BET1: variants seen among roughly 807,000 people sequenced by gnomAD.
BET1 encodes BET1 homolog.
In BET1, 9 loss-of-function variants were observed where a neutral mutation model predicts 13.9. That is an observed-to-expected ratio of 0.65 (90% CI 0.39 to 1.13). The LOEUF (loss-of-function observed/expected upper bound fraction) is 1.13. BET1 is among the 50% of genes most tolerant of loss of function. The pLI is 0.01. For missense variants in BET1, 127 were observed against 133.6 expected, an observed-to-expected ratio of 0.95 and a Z score of 0.24; for synonymous variants, 39 against 47.3, an observed-to-expected ratio of 0.82 and a Z score of 0.72.
At chr7:93,982,421 G>T (rs955545918) in intron 4 of BET1, among the ~76,000 whole-genome samples, 1 of 152,090 alleles carries the variant, frequency 6.6e-6, no homozygotes, top group Non-Finnish European at 1.5e-5. Flanking sequence ...TGGTGATTCT[G>T]GTTCAGCTGC....
rs73715581 is a variant in BET1, at chr7:93,995,940, G to C, written c.201+325C>G. 6.0e-3 allele frequency: 2,246 copies of C among 372,212 alleles called. 43 individuals carry two copies. Among genetic ancestry groups the C allele is most frequent in the African/African-American group, 0.041 (1,975 of 47,920 alleles). The allele number at this position is 372,212 out of a possible 1,614,324, so 23.1% of individuals were successfully genotyped here. On this transcript the variant is annotated intron_variant, in intron 3 of 3. Transcript: ENST00000222547. ...ATATCAAGTGCCTTTTGATTGCTTG[G>C]TTAATAAATTACTAGTAGTCTCTAC...
intron 4 of BET1, among the ~76,000 whole-genome samples, chr7:93,978,074 T>A (rs1795369175): frequency 7.9e-6 from 1 of 126,938 alleles, no homozygotes; most frequent in African/African-American, 3.3e-5. Flanking sequence ...GCAACTTTGT[T>A]TCTTTTTTTT....
At chr7:93,992,847 T>G (rs1446518891), downstream of BET1, 4 of 962,850 alleles carry the variant, frequency 4.2e-6, no homozygotes, top group African/African-American at 7.1e-5. Flanking sequence ...AATAGAGATA[T>G]GAACCCAGGT....
chr7:93,984,184 C>T lies in BET1; in HGVS notation c.236-8084G>A, dbSNP rs181790074. Among the ~76,000 whole-genome samples the T allele has an allele frequency of 1.8e-3, 279 of 152,246 alleles. 1 individual carries two copies. The highest frequency in any genetic ancestry group is 6.2e-3 in the African/African-American group (256 of 41,552). On this transcript the variant is annotated intron_variant and NMD_transcript_variant, in intron 4 of 6. Coordinates refer to the BET1 transcript ENST00000357520. ...TGCTTGTAGGCATATTGCTCAATCT[C>T]TGCCTCTGTCTCCACAGGGCATTTT...
intron 4 of BET1, among the ~76,000 whole-genome samples, chr7:93,984,165 T>C (rs1795481214): frequency 1.3e-5 from 2 of 152,140 alleles, no homozygotes; most frequent in South Asian, 4.1e-4. Flanking sequence ...GCTTTGCTTG[T>C]AGGCATATTG....
chr7:93,985,110 C>T (rs867356551), intron 4 of BET1, among the ~76,000 whole-genome samples: 1 of 152,160 alleles, frequency 6.6e-6, no homozygotes, highest in African/African-American at 2.4e-5. Context: ...TGCCCTCCCC[C>T]ACACTGTCTC....
intron 6 of BET1, among the ~76,000 whole-genome samples, chr7:93,971,525 A>T (rs1795258532): frequency 6.6e-6 from 1 of 151,772 alleles, no homozygotes; most frequent in Non-Finnish European, 1.5e-5. Context: ...TAATCACAAT[A>T]TGCTTCTGCT....
At chr7:93,992,783 G>T, downstream of BET1, 1 of 904,320 alleles carries the variant, frequency 1.1e-6, no homozygotes, top group Non-Finnish European at 1.3e-6. Flanking sequence ...ACTATCCTAT[G>T]AAATAGATGG....
In BET1 at chr7:93,994,179, G is replaced by C; in HGVS notation, c.*51C>G. The C allele has an allele frequency of 1.9e-6, 3 of 1,553,610 alleles. No individual in the cohort carries two copies. The highest frequency in any genetic ancestry group is 2.6e-6 in the Non-Finnish European group (3 of 1,151,284). On this transcript the variant is annotated 3_prime_UTR_variant, in exon 4 of 4. Coordinates refer to ENST00000222547, the MANE Select transcript of BET1 (RefSeq NM_005868.6). ...TTTGATGCTGATTTTTATCAAAGTG[G>C]TACTGCAAGCCATTAAGTTGGAACA...
intron 2 of BET1, 66 bp from the exon 3 acceptor site, chr7:93,996,387 T>G (rs1795772151): frequency 1.0e-5 from 12 of 1,189,502 alleles, no homozygotes; most frequent in Non-Finnish European, 3.5e-6. Context: ...AAAGTAAAAA[T>G]AATGTCATTC....
At chr7:93,966,769 A>G (rs551504916) in intron 6 of BET1, among the ~76,000 whole-genome samples, 1 of 151,942 alleles carries the variant, frequency 6.6e-6, no homozygotes, top group East Asian at 1.9e-4. Flanking sequence ...TTAGCAATAC[A>G]GGGGGAAGAA....
rs1201762271 is a variant in BET1 at position 93,993,345 on chromosome 7, C to T, written c.*885G>A. ...ATTTAACAATATTTAATATTTTTTA[C>T]TCAACAGTCTGCCTTTGTGTTTTTC... On this transcript the variant is annotated 3_prime_UTR_variant, in exon 4 of 4. Coordinates refer to ENST00000222547, the MANE Select transcript of BET1 (RefSeq NM_005868.6). 2 of 947,598 alleles carry T rather than the reference C, an allele frequency of 2.1e-6. No individual in the cohort carries two copies. The highest frequency in any genetic ancestry group is 1.8e-5 in the African/African-American group (1 of 56,378). 58.7% of individuals were successfully genotyped at this position (947,598 alleles called of 1,614,324 possible).
intron 6 of BET1, among the ~76,000 whole-genome samples, chr7:93,970,099 A>T (rs987113706): frequency 9.9e-5 from 15 of 151,888 alleles, no homozygotes; most frequent in African/African-American, 3.4e-4. Flanking sequence ...AAAATGTGTT[A>T]CATTAGAGTA....
At chr7:93,975,274 C>T (rs564369884) in intron 5 of BET1, among the ~76,000 whole-genome samples, 1 of 152,078 alleles carries the variant, frequency 6.6e-6, no homozygotes, top group Admixed American at 6.6e-5. Flanking sequence ...TGGTTTTGAC[C>T]ATTAAAGCAA....
At chr7:93,992,443 T>G (rs771690755), downstream of BET1, 1 of 985,406 alleles carries the variant, frequency 1.0e-6, no homozygotes, top group Non-Finnish European at 1.2e-6. Context: ...TTTTCATTTT[T>G]AAGTCATTTT....
chr7:94,002,245 T>C (rs1338966882), intron 1 of BET1, among the ~76,000 whole-genome samples: 2 of 152,134 alleles, frequency 1.3e-5, no homozygotes, highest in Non-Finnish European at 2.9e-5. Context: ...TAGAGATTCA[T>C]GTGAAGTGTG....
At position 93,976,431 on chromosome 7, in the gene BET1, T is replaced by A. The variant is rs536642794; in HGVS notation, c.236-331A>T. On this transcript the variant is annotated intron_variant and NMD_transcript_variant, in intron 4 of 6. Transcript: ENST00000357520. ...GCAAAACACAATAAAATGAAGTACATGTACTCACTTAAAATGGCACAATGA... is the reference window on the plus strand; with the variant it reads ...GCAAAACACAATAAAATGAAGTACAAGTACTCACTTAAAATGGCACAATGA... Among the ~76,000 whole-genome samples, 13 of 152,194 alleles carry A rather than the reference T, an allele frequency of 8.5e-5. No homozygotes were observed. In the East Asian group the frequency reaches 2.3e-3, roughly 27 times the overall value.
chr7:93,967,346 T>C (rs1461262367), intron 6 of BET1, among the ~76,000 whole-genome samples: 1 of 151,820 alleles, frequency 6.6e-6, no homozygotes, highest in Non-Finnish European at 1.5e-5. Context: ...TTTATAATAG[T>C]GGTAATCCTC....
intron 6 of BET1, among the ~76,000 whole-genome samples, chr7:93,967,623 C>T (rs1443047850): frequency 2.6e-5 from 4 of 151,686 alleles, no homozygotes; most frequent in South Asian, 2.1e-4. Flanking sequence ...TATATTATGA[C>T]GTCTATTAAC....
Sources: gnomAD v4.1 joint callset for allele counts (sites outside exome capture counted in the v4.1 genomes callset) on GRCh38, gnomAD v4.1.1 for gene constraint, MANE v1.5 for transcripts, NCBI Gene and HGNC (gene_info 2026-07-23, HGNC 2026-07-21) for gene names.